Variants in IL1RAPL1 observed in about 807,000 individuals in gnomAD.
The protein encoded by IL1RAPL1 is interleukin 1 receptor accessory protein like 1.
Under a neutral mutation model 48.4 loss-of-function variants are expected in IL1RAPL1, and 3 were observed. The ratio of observed to expected loss-of-function variants is 0.06; its 90% CI spans 0.03 to 0.16. IL1RAPL1 has a LOEUF of 0.16. IL1RAPL1 is among the 10% of genes least tolerant of loss of function. The probability of loss-of-function intolerance (pLI) is 1.00; values close to 1 mark genes in which losing one functional copy is unlikely to be tolerated. For missense variants in IL1RAPL1, 349 were observed against 530.6 expected, an observed-to-expected ratio of 0.66 and a Z score of 3.36; for synonymous variants, 185 against 187.7, an observed-to-expected ratio of 0.99 and a Z score of 0.12.
At chrX:29,159,146 AAAT>A (rs1420146427) in intron 2 of IL1RAPL1, among the ~76,000 whole-genome samples, 2 of 109,530 alleles carry the variant, frequency 1.8e-5, no homozygotes, top group African/African-American at 6.7e-5. Context: ...AGATTTATAT[AAAT>A]AATATTTTAA....
At chrX:29,383,565 A>T (rs1217661114) in intron 3 of IL1RAPL1, among the ~76,000 whole-genome samples, 1 of 112,306 alleles carries the variant, frequency 8.9e-6, no homozygotes, top group Non-Finnish European at 1.9e-5. Context: ...TTATAAAAAA[A>T]TACAAATCAT....
chrX:28,959,015 T>C (rs751525839), intron 2 of IL1RAPL1, among the ~76,000 whole-genome samples: 1 of 111,378 alleles, frequency 9.0e-6, no homozygotes, highest in South Asian at 3.7e-4. Context: ...AACCTATATT[T>C]TCCTCTTTGA....
chrX:28,656,850 C>T (rs1160458578), intron 1 of IL1RAPL1, among the ~76,000 whole-genome samples: 1 of 109,093 alleles, frequency 9.2e-6, no homozygotes, highest in African/African-American at 3.3e-5. Context: ...CACGGTGAAA[C>T]CCCCTCTCTA....
intron 5 of IL1RAPL1, among the ~76,000 whole-genome samples, chrX:29,451,986 G>A (rs1484242708): frequency 9.0e-6 from 1 of 110,988 alleles, no homozygotes. Context: ...TTTTTAAAAA[G>A]GAAAAGAAAC....
rs898998085 is a variant in IL1RAPL1, at chrX:29,376,603, G to A, written c.363-19655G>A. ...ACCCAGGCTGTTCTTGAACTCCTGG[G>A]CTCAAACAATCCACCCACTTTGGCC... On this transcript the variant is annotated intron_variant, in intron 3 of 10. Transcript: ENST00000378993. 3.6e-5 allele frequency among the ~76,000 whole-genome samples: 4 copies of A among 110,708 alleles called. No individual in the cohort carries two copies. The Admixed American group carries it at 3.9e-4, about 11-fold the overall frequency.
intron 2 of IL1RAPL1, among the ~76,000 whole-genome samples, chrX:28,801,301 GATATA>G (rs1476657228): frequency 9.0e-6 from 1 of 111,599 alleles, no homozygotes; most frequent in African/African-American, 3.3e-5. Context: ...CATTAGTACA[GATATA>G]ATAGTATAGA....
intron 2 of IL1RAPL1, among the ~76,000 whole-genome samples, chrX:28,940,353 A>C (rs1924134717): frequency 9.0e-6 from 1 of 111,420 alleles, no homozygotes; most frequent in Admixed American, 9.5e-5. Flanking sequence ...ATTTGGCCAA[A>C]GGATCTTGAA....
intron 3 of IL1RAPL1, among the ~76,000 whole-genome samples, chrX:29,338,581 CTCAG>C (rs769035321): frequency 4.3e-4 from 48 of 111,721 alleles, no homozygotes; most frequent in African/African-American, 1.5e-3. Context: ...AAAATACTGA[CTCAG>C]TCAGTGAGCA....
In IL1RAPL1 at chrX:29,836,188, CTTTTTT is replaced by C. The variant is rs201175211; in HGVS notation, c.779-81262_779-81257del. Among the ~76,000 whole-genome samples, 13 of 89,182 alleles carry C rather than the reference CTTTTTT, an allele frequency of 1.5e-4. No individual in the cohort carries two copies. The South Asian group carries it at 5.8e-3, about 39-fold the overall frequency. 77.4% of individuals were successfully genotyped at this position (89,182 alleles called of 115,157 possible). On this transcript the variant is annotated intron_variant, in intron 6 of 10. Transcript: ENST00000378993. ...TTTGGTATGTTGTGTTTTCATTTTT[CTTTTTT>C]TTTTTTTTTTTTTCTGAGACGGAGT...
chrX:29,388,124 A>AAAG (rs1388862795), intron 3 of IL1RAPL1, among the ~76,000 whole-genome samples: 1 of 107,529 alleles, frequency 9.3e-6, no homozygotes, highest in Non-Finnish European at 1.9e-5. Flanking sequence ...AAAAAAAAAA[A>AAAG]AAAAGCAATC....
intron 2 of IL1RAPL1, among the ~76,000 whole-genome samples, chrX:29,082,217 C>G (rs1346740022): frequency 8.9e-6 from 1 of 111,885 alleles, no homozygotes. Flanking sequence ...CTTATAAAAT[C>G]ATTTTGAGAG....
At chrX:29,169,989 C>T (rs1279309691) in intron 2 of IL1RAPL1, among the ~76,000 whole-genome samples, 1 of 110,777 alleles carries the variant, frequency 9.0e-6, no homozygotes, top group African/African-American at 3.3e-5. Context: ...TCCCATGGAA[C>T]CTGAAGCAAA....
chrX:28,695,116 C>A (rs1240062429), intron 1 of IL1RAPL1, among the ~76,000 whole-genome samples: 4 of 111,726 alleles, frequency 3.6e-5, no homozygotes, highest in Non-Finnish European at 7.5e-5. Context: ...GCTTATAACA[C>A]AAAAGCCATT....
chrX:29,410,429 C>G (rs187432450), intron 5 of IL1RAPL1, among the ~76,000 whole-genome samples: 3 of 107,802 alleles, frequency 2.8e-5, no homozygotes, highest in African/African-American at 1.0e-4. Flanking sequence ...CCACTGCACT[C>G]TAGCCTGGGC....
chrX:29,632,842 T>C (rs1215787147), intron 5 of IL1RAPL1, among the ~76,000 whole-genome samples: 1 of 111,972 alleles, frequency 8.9e-6, no homozygotes, highest in Non-Finnish European at 1.9e-5. Flanking sequence ...CAATCCTATC[T>C]CACAAATATT....
chrX:29,715,975 A>G (rs1217786773), intron 6 of IL1RAPL1, among the ~76,000 whole-genome samples: 1 of 112,198 alleles, frequency 8.9e-6, no homozygotes, highest in Non-Finnish European at 1.9e-5. Context: ...CTCAGTGCTG[A>G]TAATTTGAGG....
intron 2 of IL1RAPL1, among the ~76,000 whole-genome samples, chrX:28,936,351 T>C (rs1569203162): frequency 9.2e-6 from 1 of 109,021 alleles, no homozygotes; most frequent in African/African-American, 3.3e-5. Context: ...TTGAAAATTA[T>C]AAAAAAAAAT....
At chrX:29,143,559 C>T (rs959041749) in intron 2 of IL1RAPL1, among the ~76,000 whole-genome samples, 7 of 111,449 alleles carry the variant, frequency 6.3e-5, no homozygotes, top group African/African-American at 6.5e-5. Flanking sequence ...ATGAATCATC[C>T]CTTTGTCCAG....
At position 29,802,813 on chromosome X, in the gene IL1RAPL1, G is replaced by GTACATA. The variant is rs1569172845; in HGVS notation, c.779-114650_779-114649insACATAT. ...TGTGTATATATATATATATATATGT[G>GTACATA]TGTATATATATGTATACATATATGT... On this transcript the variant is annotated intron_variant, in intron 6 of 10. Transcript: ENST00000378993. 2.3e-3 allele frequency among the ~76,000 whole-genome samples: 131 copies of GTACATA among 57,911 alleles called. 5 individuals are homozygous for GTACATA. The highest frequency in any genetic ancestry group is 0.01 in the African/African-American group (120 of 11,966). 50.3% of individuals were successfully genotyped at this position (57,911 alleles called of 115,157 possible).
Sources: allele counts gnomAD v4.1 joint callset (sites outside exome capture counted in the v4.1 genomes callset), GRCh38; gene constraint gnomAD v4.1.1; transcripts MANE v1.5; gene names NCBI Gene and HGNC (gene_info 2026-07-23, HGNC 2026-07-21).